RTN1: variants seen among roughly 807,000 people sequenced by gnomAD.
The protein encoded by RTN1 is reticulon 1.
Under a neutral mutation model 65.5 loss-of-function variants are expected in RTN1, and 25 were observed. That is an observed-to-expected ratio of 0.38 (90% CI 0.28 to 0.53). RTN1 has a LOEUF of 0.53. Among genes scored for constraint, RTN1 ranks in the 20% least tolerant of loss-of-function variants. The pLI, the probability that RTN1 is intolerant of heterozygous loss-of-function variation, is 0.79. For missense variants in RTN1, 983 were observed against 1,025.4 expected (o/e 0.96, Z 0.57); for synonymous variants, 471 against 447.6 (o/e 1.05, Z -0.66).
chr14:59,835,610 T>C (rs1421420649), intron 1 of RTN1, among the ~76,000 whole-genome samples: 3 of 152,174 alleles, frequency 2.0e-5, no homozygotes, highest in African/African-American at 7.2e-5. Context: ...AATAAAAATA[T>C]TATCTGCATT....
intron 2 of RTN1, among the ~76,000 whole-genome samples, chr14:59,733,512 G>A (rs920669139): frequency 5.3e-5 from 8 of 152,154 alleles, no homozygotes; most frequent in Non-Finnish European, 8.8e-5. Context: ...TCACTCCCTG[G>A]GATGGAGTGC....
intron 1 of RTN1, among the ~76,000 whole-genome samples, chr14:59,800,694 C>T (rs904636320): frequency 2.6e-5 from 4 of 152,020 alleles, no homozygotes; most frequent in African/African-American, 7.3e-5. Flanking sequence ...GCCACCACAC[C>T]GGGCCAAAAA....
chr14:59,821,601 G>A (rs1202500819), intron 1 of RTN1, among the ~76,000 whole-genome samples: 2 of 152,150 alleles, frequency 1.3e-5, no homozygotes, highest in Admixed American at 6.5e-5. Context: ...TGGTTCCCAA[G>A]GGGAATGCTT....
At chr14:59,614,795 C>A (rs1019514625) in intron 3 of RTN1, among the ~76,000 whole-genome samples, 1 of 152,178 alleles carries the variant, frequency 6.6e-6, no homozygotes, top group South Asian at 2.1e-4. Flanking sequence ...CTAGGCTCCA[C>A]CCTTAGTAGA....
chr14:59,775,714 T>C (rs1886038596), intron 1 of RTN1, among the ~76,000 whole-genome samples: 2 of 152,202 alleles, frequency 1.3e-5, no homozygotes, highest in Non-Finnish European at 2.9e-5. Context: ...AATAAAATAC[T>C]CTGCACTCTG....
chr14:59,622,861 A>G (rs550435411), intron 3 of RTN1, among the ~76,000 whole-genome samples: 4 of 152,318 alleles, frequency 2.6e-5, no homozygotes, highest in South Asian at 2.1e-4. Context: ...TCTGCTGATA[A>G]GACACCTTTG....
chr14:59,811,560 T>C (rs1170133701), intron 1 of RTN1, among the ~76,000 whole-genome samples: 2 of 152,164 alleles, frequency 1.3e-5, no homozygotes, highest in Non-Finnish European at 2.9e-5. Flanking sequence ...AAACTGGATA[T>C]CCTAAACAGG....
chr14:59,713,811 T>G (rs1314583026), intron 3 of RTN1, among the ~76,000 whole-genome samples: 1 of 152,216 alleles, frequency 6.6e-6, no homozygotes, highest in Admixed American at 6.5e-5. Context: ...CAGAACTGTC[T>G]TTTTAAAATT....
chr14:59,609,878 C>G (rs1881892189), intron 3 of RTN1, among the ~76,000 whole-genome samples: 1 of 152,176 alleles, frequency 6.6e-6, no homozygotes, highest in Non-Finnish European at 1.5e-5. Context: ...CAAACACACA[C>G]TCACACAAAT....
chr14:59,679,440 C>T (rs75124413), intron 3 of RTN1, among the ~76,000 whole-genome samples: 2,880 of 152,282 alleles, frequency 0.019, 100 homozygotes, highest in African/African-American at 0.064. Context: ...CTCTCTCCAG[C>T]TAAGACCATG....
chr14:59,715,996 G>A (rs1421361762), intron 3 of RTN1, among the ~76,000 whole-genome samples: 1 of 152,100 alleles, frequency 6.6e-6, no homozygotes, highest in Non-Finnish European at 1.5e-5. Flanking sequence ...AAAGATTCAA[G>A]TATAAATTGG....
At chr14:59,755,916 T>C (rs924337556) in intron 1 of RTN1, among the ~76,000 whole-genome samples, 1 of 152,220 alleles carries the variant, frequency 6.6e-6, no homozygotes, top group Non-Finnish European at 1.5e-5. Flanking sequence ...CCCAACTCAC[T>C]GCCTTATTTA....
At chr14:59,688,223 A>G (rs1230751232) in intron 3 of RTN1, among the ~76,000 whole-genome samples, 1 of 152,138 alleles carries the variant, frequency 6.6e-6, no homozygotes, top group African/African-American at 2.4e-5. Context: ...CTGGTGCAGT[A>G]GGGTCCTCTA....
intron 1 of RTN1, among the ~76,000 whole-genome samples, chr14:59,866,599 C>T (rs1887802949): frequency 6.6e-6 from 1 of 152,134 alleles, no homozygotes; most frequent in African/African-American, 2.4e-5. Context: ...ATTGTACTTA[C>T]TTCCAGAAAT....
At chr14:59,861,305 C>G (rs956503517) in intron 1 of RTN1, among the ~76,000 whole-genome samples, 1 of 152,210 alleles carries the variant, frequency 6.6e-6, no homozygotes, top group Non-Finnish European at 1.5e-5. Flanking sequence ...CCCAATCTCT[C>G]TCTTTGCCTG....
chr14:59,806,230 T>G (rs1332506091), intron 1 of RTN1, among the ~76,000 whole-genome samples: 1 of 151,336 alleles, frequency 6.6e-6, no homozygotes, highest in African/African-American at 2.4e-5. Context: ...GTGAGACTCC[T>G]TCTCAAAAAA....
At chr14:59,781,065 C>A (rs1489432546) in intron 1 of RTN1, among the ~76,000 whole-genome samples, 1 of 152,126 alleles carries the variant, frequency 6.6e-6, no homozygotes, top group Non-Finnish European at 1.5e-5. Flanking sequence ...TTTACTTCCA[C>A]CATCTTGTTT....
intron 3 of RTN1, among the ~76,000 whole-genome samples, chr14:59,642,442 T>C (rs1882800287): frequency 6.6e-6 from 1 of 152,166 alleles, no homozygotes; most frequent in Non-Finnish European, 1.5e-5. Context: ...TGAAAGCAAT[T>C]TTTCATATGC....
intron 3 of RTN1, among the ~76,000 whole-genome samples, chr14:59,710,310 G>T (rs1884391273): frequency 6.6e-6 from 1 of 152,174 alleles, no homozygotes; most frequent in Non-Finnish European, 1.5e-5. Context: ...TTACAGGCAT[G>T]AGCCACTGTT....
Sources: gnomAD v4.1 joint callset for allele counts (sites outside exome capture counted in the v4.1 genomes callset) on GRCh38, gnomAD v4.1.1 for gene constraint, MANE v1.5 for transcripts, NCBI Gene and HGNC (gene_info 2026-07-23, HGNC 2026-07-21) for gene names.